GREB1L: variants seen among roughly 807,000 people sequenced by gnomAD.
GREB1L encodes GREB1-like protein.
A neutral mutation model predicts 200.8 loss-of-function variants in GREB1L; 17 were observed. That is an observed-to-expected ratio of 0.08 (90% CI 0.06 to 0.13). GREB1L has a LOEUF of 0.13. GREB1L is among the 10% of genes least tolerant of loss of function. The pLI is 1.00. For synonymous variants in GREB1L, 789 were observed against 893.0 expected (o/e 0.88, Z 2.08); for missense variants, 1,657 against 2,367.7 (o/e 0.70, Z 6.23).
At chr18:21,391,934 C>T (rs1218495879) in intron 4 of GREB1L, among the ~76,000 whole-genome samples, 4 of 152,246 alleles carry the variant, frequency 2.6e-5, no homozygotes, top group South Asian at 2.1e-4. Context: ...CTCAGCCTCC[C>T]GAGTGCCTGG....
intron 1 of GREB1L, among the ~76,000 whole-genome samples, chr18:21,348,955 C>T (rs2039394901): frequency 6.6e-6 from 1 of 152,074 alleles, no homozygotes; most frequent in Non-Finnish European, 1.5e-5. Context: ...AAAACAAGAA[C>T]AACAACAAAA....
chr18:21,394,931 TAAAAAA>T (rs745423470), intron 4 of GREB1L, among the ~76,000 whole-genome samples: 5 of 82,672 alleles, frequency 6.0e-5, no homozygotes, highest in Admixed American at 1.4e-4. Flanking sequence ...CCATCTCTAC[TAAAAAA>T]AAAAAAAAAA....
At chr18:21,426,202 G>A (rs1289070937) in intron 7 of GREB1L, among the ~76,000 whole-genome samples, 2 of 151,698 alleles carry the variant, frequency 1.3e-5, no homozygotes, top group African/African-American at 2.4e-5. Flanking sequence ...GACTACAGGC[G>A]CCCACCACCA....
intron 19 of GREB1L, among the ~76,000 whole-genome samples, chr18:21,495,061 A>G (rs933132481): frequency 6.6e-6 from 1 of 152,160 alleles, no homozygotes; most frequent in Admixed American, 6.5e-5. Flanking sequence ...TTTTTTCTCA[A>G]TCCAGGTCTG....
intron 17 of GREB1L, among the ~76,000 whole-genome samples, chr18:21,479,108 G>A (rs1475760465): frequency 6.6e-6 from 1 of 151,844 alleles, no homozygotes; most frequent in East Asian, 1.9e-4. Context: ...TCTCGAACTC[G>A]CAACCTCAGT....
chr18:21,406,634 T>C (rs2030272603), intron 7 of GREB1L, among the ~76,000 whole-genome samples: 1 of 152,196 alleles, frequency 6.6e-6, no homozygotes, highest in African/African-American at 2.4e-5. Flanking sequence ...AACTGATGGA[T>C]TGAGATTCAC....
chr18:21,513,975 G>A lies in GREB1L; in HGVS notation c.4890G>A (p.Gln1630=). Residue 1630 remains glutamine (Q), a synonymous_variant, in exon 28 of 33, where the codon CAG becomes CAA. Transcript: ENST00000424526. ...SCVLWNIHSV[Q]EPSSQPMEVG... is the part of the protein sequence containing the mutation. ...TCCTATGGAACATTCACAGTGTTCA[G>A]GAGCCATCCAGGTAGACTTCCAAGC... 6.4e-7 allele frequency: 1 copy of A among 1,551,568 alleles called. No individual in the cohort carries two copies. The highest frequency in any genetic ancestry group is 8.7e-7 in the Non-Finnish European group (1 of 1,146,902).
chr18:21,284,696 C>T (rs1363323903), intron 1 of GREB1L, among the ~76,000 whole-genome samples: 1 of 152,122 alleles, frequency 6.6e-6, no homozygotes, highest in Non-Finnish European at 1.5e-5. Flanking sequence ...CGTACCTAGT[C>T]CTGGATTTGC....
At chr18:21,310,312 G>A (rs539093893) in intron 1 of GREB1L, among the ~76,000 whole-genome samples, 144 of 152,348 alleles carry the variant, frequency 9.5e-4, no homozygotes, top group African/African-American at 3.4e-3. Flanking sequence ...ATCAAGTGCT[G>A]TAATCCCAGC....
intron 1 of GREB1L, among the ~76,000 whole-genome samples, chr18:21,287,569 GC>G (rs2038377912): frequency 6.6e-6 from 1 of 152,068 alleles, no homozygotes; most frequent in Admixed American, 6.6e-5. Flanking sequence ...CCCTGTAGGA[GC>G]CTAGTATTTT....
At chr18:21,328,896 C>T (rs1247503134) in intron 1 of GREB1L, among the ~76,000 whole-genome samples, 1 of 152,102 alleles carries the variant, frequency 6.6e-6, no homozygotes, top group African/African-American at 2.4e-5. Context: ...ATTATTATCC[C>T]CACTTTACAG....
chr18:21,319,505 T>G (rs2038920795), intron 1 of GREB1L, among the ~76,000 whole-genome samples: 1 of 152,260 alleles, frequency 6.6e-6, no homozygotes, highest in Non-Finnish European at 1.5e-5. Context: ...TGTTTTAGTT[T>G]TAGAATTAGT....
intron 31 of GREB1L, among the ~76,000 whole-genome samples, chr18:21,518,681 G>A (rs943918731): frequency 6.6e-5 from 10 of 152,172 alleles, no homozygotes; most frequent in Admixed American, 3.3e-4. Flanking sequence ...TTAGACATAC[G>A]TAAGAGGAGC....
At chr18:21,381,816 A>G (rs1567964910) in intron 2 of GREB1L, among the ~76,000 whole-genome samples, 1 of 152,224 alleles carries the variant, frequency 6.6e-6, no homozygotes, top group East Asian at 1.9e-4. Context: ...AAAGAGACCA[A>G]GGTTTCTAAA....
chr18:21,450,394 T>C, intron 12 of GREB1L, among the ~76,000 whole-genome samples: 1 of 152,134 alleles, frequency 6.6e-6, no homozygotes, highest in Non-Finnish European at 1.5e-5. Flanking sequence ...ACATTTTGCT[T>C]CTCTCTTCTC....
intron 1 of GREB1L, among the ~76,000 whole-genome samples, chr18:21,268,570 T>C (rs1230461474): frequency 0.025 from 2,715 of 106,772 alleles, 38 homozygotes; most frequent in Non-Finnish European, 0.038. Flanking sequence ...CATATATATA[T>C]ATATATATAT....
intron 7 of GREB1L, among the ~76,000 whole-genome samples, chr18:21,417,235 C>A (rs1257961509): frequency 6.6e-6 from 1 of 151,854 alleles, no homozygotes; most frequent in East Asian, 1.9e-4. Context: ...ATAAAAATAT[C>A]TTTTGGCCAG....
chr18:21,298,294 T>C (rs2038562231), intron 1 of GREB1L, among the ~76,000 whole-genome samples: 1 of 152,178 alleles, frequency 6.6e-6, no homozygotes, highest in African/African-American at 2.4e-5. Flanking sequence ...TCTTTCTCTC[T>C]TTGTCTCTCT....
intron 1 of GREB1L, among the ~76,000 whole-genome samples, chr18:21,340,415 G>A (rs959562841): frequency 5.3e-5 from 8 of 151,544 alleles, no homozygotes; most frequent in East Asian, 2.0e-4. Flanking sequence ...GCGAGACTCC[G>A]TCTCAAAAAA....
Sources: allele counts gnomAD v4.1 joint callset (sites outside exome capture counted in the v4.1 genomes callset), GRCh38; gene constraint gnomAD v4.1.1; transcripts MANE v1.5; gene names NCBI Gene and HGNC (gene_info 2026-07-23, HGNC 2026-07-21).